GPAT3: variants seen among roughly 807,000 people sequenced by gnomAD.
The protein encoded by GPAT3 is glycerol-3-phosphate acyltransferase 3.
A neutral mutation model predicts 58.8 loss-of-function variants in GPAT3; 53 were observed. The observed-to-expected ratio is 0.90, with a 90% CI of 0.72 to 1.13. The LOEUF is 1.13. Ranked by LOEUF, GPAT3 falls within the 50% of genes most tolerant of loss-of-function variation. The pLI, the probability that GPAT3 is intolerant of heterozygous loss-of-function variation, is 0.00. For missense variants in GPAT3, 511 were observed against 527.6 expected, an observed-to-expected ratio of 0.97 and a Z score of 0.31; for synonymous variants, 197 against 187.4, an observed-to-expected ratio of 1.05 and a Z score of -0.42.
At chr4:83,562,251 A>ATATATATATTATAT (rs1725203802) in intron 2 of GPAT3, among the ~76,000 whole-genome samples, 1 of 113,182 alleles carries the variant, frequency 8.8e-6, no homozygotes, top group Non-Finnish European at 1.8e-5. Context: ...ATATATATAA[A>ATATATATATTATAT]ATATAGTTTG....
intron 2 of GPAT3, among the ~76,000 whole-genome samples, chr4:83,554,061 T>C (rs548221996): frequency 2.6e-5 from 4 of 152,142 alleles, no homozygotes; most frequent in African/African-American, 9.6e-5. Context: ...TAAGGATCAC[T>C]GCTCACTGTA....
At chr4:83,543,331 A>G (rs538112785) in intron 1 of GPAT3, among the ~76,000 whole-genome samples, 1 of 152,304 alleles carries the variant, frequency 6.6e-6, no homozygotes, top group East Asian at 1.9e-4. Context: ...ACTTTTTAGT[A>G]TAAAAGCCCT....
chr4:83,547,462 C>T (rs1724581370), intron 2 of GPAT3, among the ~76,000 whole-genome samples: 1 of 151,606 alleles, frequency 6.6e-6, no homozygotes, highest in Non-Finnish European at 1.5e-5. Flanking sequence ...CCGTGTTAGC[C>T]AGGATGGTCT....
intron 3 of GPAT3, among the ~76,000 whole-genome samples, chr4:83,582,756 C>A (rs576175942): frequency 6.6e-6 from 1 of 151,644 alleles, no homozygotes; most frequent in Non-Finnish European, 1.5e-5. Flanking sequence ...ATGCAGATTT[C>A]TAAGAAATTA....
chr4:83,587,608 A>G (rs1440654993), intron 4 of GPAT3, among the ~76,000 whole-genome samples: 1 of 152,160 alleles, frequency 6.6e-6, no homozygotes, highest in East Asian at 1.9e-4. Flanking sequence ...TTGTATTTTT[A>G]GTAGAGACGG....
intron 9 of GPAT3, 124 bp from the exon 10 acceptor site, chr4:83,597,919 TTCCATCAA>T: frequency 9.6e-7 from 1 of 1,042,172 alleles, no homozygotes; most frequent in Non-Finnish European, 1.4e-6. Flanking sequence ...TTTTGATAAA[TTCCATCAA>T]GTGAAATAAC....
chr4:83,575,517 A>C (rs112073312), intron 2 of GPAT3, among the ~76,000 whole-genome samples: 1 of 152,004 alleles, frequency 6.6e-6, no homozygotes, highest in Non-Finnish European at 1.5e-5. Context: ...AGTTCACACC[A>C]TTCTCCTGCC....
In GPAT3 at chr4:83,588,196, T is replaced by C. The variant is rs747534197; in HGVS notation, c.555-14T>C. ...GCCCAGAATGGCACAATAAAATGTTTCTATTTCCTTCAGCCTCAAAAACTG... is the reference window on the plus strand; with the variant it reads ...GCCCAGAATGGCACAATAAAATGTTCCTATTTCCTTCAGCCTCAAAAACTG... On this transcript the variant is annotated splice_polypyrimidine_tract_variant and intron_variant, in intron 4 of 11. Transcript: ENST00000264409. 1 of 1,613,346 alleles carries C rather than the reference T, an allele frequency of 6.2e-7. No homozygotes were observed. Among genetic ancestry groups the C allele is most frequent in the Non-Finnish European group, 8.5e-7 (1 of 1,179,418 alleles).
intron 2 of GPAT3, among the ~76,000 whole-genome samples, chr4:83,547,264 T>A (rs1003420163): frequency 7.0e-6 from 1 of 142,646 alleles, no homozygotes; most frequent in Non-Finnish European, 1.5e-5. Context: ...TTTTTTTTTT[T>A]TTTTTTGAGA....
In GPAT3 at chr4:83,570,205, TCTCTC is replaced by T. The variant is rs200260985; in HGVS notation, c.209-11356_209-11352del. 1.2e-4 allele frequency among the ~76,000 whole-genome samples: 18 copies of T among 152,326 alleles called. No homozygotes were observed. In the East Asian group the frequency reaches 2.9e-3, roughly 24 times the overall value. On this transcript the variant is annotated intron_variant, in intron 2 of 11. Transcript: ENST00000264409. ...TGCAAATCCTGTCTCAGTTCCTTCT[TCTCTC>T]TGGCCCCAGGCAAGTTACTCAACCC...
chr4:83,570,118 G>A (rs1294863305), intron 2 of GPAT3, among the ~76,000 whole-genome samples: 3 of 152,190 alleles, frequency 2.0e-5, no homozygotes, highest in African/African-American at 4.8e-5. Flanking sequence ...TGGTTAGAGC[G>A]ATGTGAAACT....
At chr4:83,540,972 G>A (rs1322614188) in intron 1 of GPAT3, among the ~76,000 whole-genome samples, 1 of 152,162 alleles carries the variant, frequency 6.6e-6, no homozygotes, top group Non-Finnish European at 1.5e-5. Flanking sequence ...TTACAGGCAT[G>A]AACCACCATG....
rs1413962772 is a variant in GPAT3, at chr4:83,536,396, G to A, written c.-227G>A. On this transcript the variant is annotated 5_prime_UTR_variant, in exon 1 of 12. Transcript: ENST00000264409. ...GGTGGCTTCAGCCCAGACCTGGGCA[G>A]CCAGCGGAGAAAGAGTTAACTGGCA... 2 of 1,333,176 alleles carry A rather than the reference G, an allele frequency of 1.5e-6. No homozygotes were observed. The highest frequency in any genetic ancestry group is 3.0e-5 in the East Asian group (1 of 33,528). 82.6% of individuals were successfully genotyped at this position (1,333,176 alleles called of 1,614,324 possible).
Position 83,604,734 on chromosome 4 carries a change from C to A in GPAT3, c.1272C>A (p.Ser424Arg). Residue 424 changes from serine to arginine, a missense_variant, in exon 12 of 12, where the codon AGC (serine) becomes AGA (arginine). By Grantham distance (110) the Ser-to-Arg change is moderately radical (BLOSUM62 -1). Transcript: ENST00000264409. The stretch of plus-strand genomic sequence containing the variant: ...AGGAAGAGCAGCAGAAAAATTACAG[C>A]AAGATGATTGTGGGCAATGGATCTC... ...IFKEEQQKNY[S>R]KMIVGNGSLS The A allele has an allele frequency of 5.0e-6, 8 of 1,613,940 alleles. No homozygotes were observed. The highest frequency in any genetic ancestry group is 6.8e-6 in the Non-Finnish European group (8 of 1,179,916).
intron 3 of GPAT3, among the ~76,000 whole-genome samples, chr4:83,584,814 A>G (rs1726317907): frequency 1.3e-5 from 2 of 152,212 alleles, no homozygotes; most frequent in Admixed American, 6.5e-5. Context: ...TGAATTACAC[A>G]TTTTAATGGG....
intron 2 of GPAT3, among the ~76,000 whole-genome samples, chr4:83,574,034 A>G (rs1416300842): frequency 3.9e-5 from 6 of 152,156 alleles, no homozygotes; most frequent in Non-Finnish European, 2.9e-5. Context: ...ATTTCATGCT[A>G]TTACTAATCT....
chr4:83,578,942 CT>C (rs1560620429), intron 2 of GPAT3, among the ~76,000 whole-genome samples: 83 of 3,748 alleles, frequency 0.022, 3 homozygotes, highest in South Asian at 0.12. Context: ...TCTTTCTTTT[CT>C]TTTCTTTTCT....
intron 11 of GPAT3, among the ~76,000 whole-genome samples, chr4:83,599,931 CAAT>C (rs1442388756): frequency 1.3e-5 from 2 of 152,008 alleles, no homozygotes; most frequent in African/African-American, 2.4e-5. Context: ...AGATTAACAA[CAAT>C]AACAACTGAT....
chr4:83,542,735 C>T (rs756814619), intron 1 of GPAT3, among the ~76,000 whole-genome samples: 2 of 152,158 alleles, frequency 1.3e-5, no homozygotes, highest in African/African-American at 2.4e-5. Flanking sequence ...CAGTGGGTCA[C>T]ACCTATAATC....
Sources: allele counts gnomAD v4.1 joint callset (sites outside exome capture counted in the v4.1 genomes callset), GRCh38; gene constraint gnomAD v4.1.1; transcripts MANE v1.5; gene names NCBI Gene and HGNC (gene_info 2026-07-23, HGNC 2026-07-21).